The following IL1R2 variants were observed in gnomAD, a reference collection of about 807,000 sequenced individuals.
IL1R2 encodes interleukin 1 receptor type 2, also known as interleukin-1 receptor type 2.
In IL1R2, 46 loss-of-function variants were observed where a neutral mutation model predicts 39.5. The observed-to-expected ratio is 1.16, with a 90% CI of 0.92 to 1.49. The LOEUF (loss-of-function observed/expected upper bound fraction) is 1.49. IL1R2 is among the 40% of genes most tolerant of loss of function. IL1R2 has a pLI of 0.00. For missense variants in IL1R2, 537 were observed against 502.0 expected (o/e 1.07, Z -0.67); for synonymous variants, 207 against 189.6 (o/e 1.09, Z -0.75).
chr2:101,995,883 T>C (rs1454150523), intron 1 of IL1R2, among the ~76,000 whole-genome samples: 1 of 152,106 alleles, frequency 6.6e-6, no homozygotes, highest in Non-Finnish European at 1.5e-5. Context: ...TATTCCTATT[T>C]ATCAGAAGCA....
intron 8 of IL1R2, among the ~76,000 whole-genome samples, chr2:102,026,539 G>C (rs919352683): frequency 7.2e-5 from 11 of 152,180 alleles, no homozygotes; most frequent in Non-Finnish European, 1.6e-4. Context: ...TCTGCATGTG[G>C]CTCTGCCTTG....
At position 102,009,790 on chromosome 2, in the gene IL1R2, T is replaced by C. The variant is rs763492037; in HGVS notation, c.296T>C (p.Leu99Ser). 1 of 1,614,208 alleles carries C rather than the reference T, an allele frequency of 6.2e-7. No homozygotes were observed. The highest frequency in any genetic ancestry group is 1.1e-5 in the South Asian group (1 of 91,086). Residue 99 changes from leucine to serine, a missense_variant, in exon 3 of 9, where the codon TTG becomes TCG. Leu to Ser is a moderately radical substitution (Grantham distance 145, BLOSUM62 -2). Coordinates refer to ENST00000332549, the MANE Select transcript of IL1R2 (RefSeq NM_004633.4). ...GGTGCTCTGTGGCTTCTGCCAGCCT[T>C]GCAGGAGGACTCTGGCACCTACGTC... ...QDGALWLLPALQEDSGTYVCT... is the reference protein window; with the variant it reads ...QDGALWLLPASQEDSGTYVCT...
intron 1 of IL1R2, among the ~76,000 whole-genome samples, chr2:101,995,195 A>G (rs1010616999): frequency 1.3e-5 from 2 of 152,214 alleles, no homozygotes; most frequent in African/African-American, 4.8e-5. Flanking sequence ...TATTTAAAAG[A>G]TTACATGTGC....
At chr2:102,024,390 T>A (rs771581383) in intron 6 of IL1R2, 143 bp from the exon 7 acceptor site, 3 of 654,162 alleles carry the variant, frequency 4.6e-6, no homozygotes, top group Non-Finnish European at 2.8e-6. Flanking sequence ...CAGAATCATT[T>A]GAGAAAACTA....
chr2:102,022,325 C>T, intron 6 of IL1R2, 76 bp downstream of exon 6: 1 of 1,224,448 alleles, frequency 8.2e-7, no homozygotes, highest in Non-Finnish European at 1.2e-6. Flanking sequence ...GCTTGGGACC[C>T]TTGCGTCTGC....
rs1267002746 is a variant in IL1R2 at position 102,002,312 on chromosome 2, G to A, written c.-61-6203G>A. Among the ~76,000 whole-genome samples, 6 of 118,134 alleles carry A rather than the reference G, an allele frequency of 5.1e-5. No individual in the cohort carries two copies. The East Asian group carries it at 2.5e-3, about 49-fold the overall frequency. 77.5% of individuals were successfully genotyped at this position (118,134 alleles called of 152,430 possible). ...TCTGTGTGTCTGTGTCTGTGTCTGTGTCTGTGTCTGTGTCTGTGTGTCTGT... is the reference window on the plus strand; with the variant it reads ...TCTGTGTGTCTGTGTCTGTGTCTGTATCTGTGTCTGTGTCTGTGTGTCTGT... On this transcript the variant is annotated intron_variant, in intron 1 of 8. Coordinates refer to ENST00000332549, the MANE Select transcript of IL1R2 (RefSeq NM_004633.4).
chr2:101,999,630 C>T (rs1247803541), intron 1 of IL1R2, among the ~76,000 whole-genome samples: 2 of 152,132 alleles, frequency 1.3e-5, no homozygotes, highest in South Asian at 4.1e-4. Flanking sequence ...TCTCACCAGC[C>T]CAACCTCTGT....
At position 102,019,735 on chromosome 2, in the gene IL1R2, A is replaced by G. The variant is rs753591681; in HGVS notation, c.611A>G (p.Tyr204Cys). 6.2e-7 allele frequency: 1 copy of G among 1,614,124 alleles called. No individual in the cohort carries two copies. Among genetic ancestry groups the G allele is most frequent in the Non-Finnish European group, 8.5e-7 (1 of 1,179,946 alleles). Residue 204 changes from tyrosine to cysteine, a missense_variant, in exon 5 of 9, where the codon TAT becomes TGT. By Grantham distance (194) the Tyr-to-Cys change is radical (BLOSUM62 -2). Coordinates refer to ENST00000332549, the MANE Select transcript of IL1R2 (RefSeq NM_004633.4). The part of the protein sequence containing the change: ...VHDVALEDAG[Y>C]YRCVLTFAHE... ...GATGTGGCCCTGGAAGATGCTGGCTATTACCGCTGTGTCCTGACATTTGCC... is the reference window on the plus strand; with the variant it reads ...GATGTGGCCCTGGAAGATGCTGGCTGTTACCGCTGTGTCCTGACATTTGCC...
chr2:102,015,974 A>C lies in IL1R2; in HGVS notation c.436A>C (p.Thr146Pro), dbSNP rs374741053. 1.9e-6 allele frequency: 3 copies of C among 1,613,900 alleles called. No individual in the cohort carries two copies. The highest frequency in any genetic ancestry group is 2.2e-5 in the East Asian group (1 of 44,866). Residue 146 changes from threonine to proline, a missense_variant, in exon 4 of 9, where the codon ACC (threonine) becomes CCC (proline). Coordinates refer to ENST00000332549, the MANE Select transcript of IL1R2 (RefSeq NM_004633.4). ...ISYPQILTLSTSGVLVCPDLS... is the reference protein window; with the variant it reads ...ISYPQILTLSPSGVLVCPDLS... Reference sequence around the variant, plus strand: ...ATACCCGCAAATTTTAACCTTGTCAACCTCTGGGGTATTAGTATGCCCTGA... The same window carrying C: ...ATACCCGCAAATTTTAACCTTGTCACCCTCTGGGGTATTAGTATGCCCTGA...
Position 102,006,748 on chromosome 2 carries a change from C to T in IL1R2, c.-61-1767C>T, listed in dbSNP as rs150975850. ...TGCCCCAAGGTTGTCACCATCCTTG[C>T]GGAGCCAGAAGAGTCAGGCATGGCA... is the stretch of plus-strand genomic sequence containing the variant. On this transcript the variant is annotated intron_variant, in intron 1 of 8. Transcript: ENST00000332549. Among the ~76,000 whole-genome samples, 8 of 152,330 alleles carry T rather than the reference C, an allele frequency of 5.3e-5. No homozygotes were observed. In the East Asian group the frequency reaches 1.4e-3, roughly 26 times the overall value.
intron 1 of IL1R2, among the ~76,000 whole-genome samples, chr2:102,002,760 C>CTA (rs1675961145): frequency 6.7e-6 from 1 of 149,124 alleles, no homozygotes; most frequent in East Asian, 2.0e-4. Flanking sequence ...ATATCTATAT[C>CTA]TATATCTATA....
chr2:102,002,162 T>C (rs1457005766), intron 1 of IL1R2: 1 of 152,276 alleles, frequency 6.6e-6, no homozygotes. Flanking sequence ...GTTTACTTAC[T>C]AGTTTCTCAA....
Position 102,006,873 on chromosome 2 carries a change from C to T in IL1R2, c.-61-1642C>T, listed in dbSNP as rs189068508. On this transcript the variant is annotated intron_variant, in intron 1 of 8. Transcript: ENST00000332549. ...GTGAGCAGACAAGAGTGAGTTAGTTCCCAGTGTGGCCTCGTGTGTGCTTTT... is the reference window on the plus strand; with the variant it reads ...GTGAGCAGACAAGAGTGAGTTAGTTTCCAGTGTGGCCTCGTGTGTGCTTTT... Among the ~76,000 whole-genome samples the T allele has an allele frequency of 7.2e-4, 109 of 152,318 alleles. 1 individual carries two copies. The highest frequency in any genetic ancestry group is 3.4e-3 in the Middle Eastern group (1 of 294).
At chr2:102,026,995 A>C (rs1435996732) in intron 8 of IL1R2, among the ~76,000 whole-genome samples, 1 of 152,210 alleles carries the variant, frequency 6.6e-6, no homozygotes, top group Non-Finnish European at 1.5e-5. Flanking sequence ...GGCAGCCACA[A>C]ACACAGTGTA....
At chr2:101,994,663 T>C (rs903867036) in intron 1 of IL1R2, among the ~76,000 whole-genome samples, 2 of 152,218 alleles carry the variant, frequency 1.3e-5, no homozygotes, top group Non-Finnish European at 2.9e-5. Flanking sequence ...GCCAAGCCTG[T>C]GGGGGAGCTA....
intron 7 of IL1R2, among the ~76,000 whole-genome samples, chr2:102,025,446 A>G (rs1026080460): frequency 6.6e-6 from 1 of 152,238 alleles, no homozygotes; most frequent in African/African-American, 2.4e-5. Flanking sequence ...CCACAACTAA[A>G]TGCCCATCTC....
chr2:102,013,524 C>CAAAAAAAAAAAAAAAAAAAAAAAAAAAA (rs771727938), intron 3 of IL1R2, among the ~76,000 whole-genome samples: 2 of 5,694 alleles, frequency 3.5e-4, no homozygotes, highest in African/African-American at 6.3e-4. Context: ...TCTATCACTG[C>CAAAAAAAAAAAAAAAAAAAAAAAAAAAA]AAAAAAAAAA....
chr2:101,992,837 A>T (rs1286104211), intron 1 of IL1R2, among the ~76,000 whole-genome samples: 4 of 152,074 alleles, frequency 2.6e-5, no homozygotes, highest in Non-Finnish European at 4.4e-5. Flanking sequence ...GACTCTCCGG[A>T]TTTCTCCAGA....
At chr2:102,025,126 A>G (rs1452438560) in intron 7 of IL1R2, among the ~76,000 whole-genome samples, 1 of 152,234 alleles carries the variant, frequency 6.6e-6, no homozygotes, top group African/African-American at 2.4e-5. Context: ...AATTAAAAAA[A>G]AGAAAGAATT....
Sources: allele counts gnomAD v4.1 joint callset (sites outside exome capture counted in the v4.1 genomes callset), GRCh38; gene constraint gnomAD v4.1.1; transcripts MANE v1.5; gene names NCBI Gene and HGNC (gene_info 2026-07-23, HGNC 2026-07-21).